PTPRS: variants seen among roughly 807,000 people sequenced by gnomAD.
The protein encoded by PTPRS is receptor-type tyrosine-protein phosphatase S.
PTPRS carries 63 observed loss-of-function variants against 215.3 expected under a neutral mutation model. That is an observed-to-expected ratio of 0.29 (90% CI 0.24 to 0.36). The LOEUF is 0.36. Ranked by LOEUF, PTPRS falls within the 10% of genes least tolerant of loss-of-function variation. The probability of loss-of-function intolerance (pLI) is 1.00; values close to 1 mark genes in which losing one functional copy is unlikely to be tolerated. For missense variants in PTPRS, 2,258 were observed against 2,825.8 expected (o/e 0.80, Z 4.56); for synonymous variants, 1,404 against 1,191.4 (o/e 1.18, Z -3.68).
At chr19:5,240,919 TCA>T (rs2043986629) in intron 11 of PTPRS, among the ~76,000 whole-genome samples, 2 of 135,124 alleles carry the variant, frequency 1.5e-5, no homozygotes, top group Non-Finnish European at 3.1e-5. Context: ...AGATGGAGTC[TCA>T]CTCTGTCACC....
chr19:5,233,977 A>AAAAAAAAAATT (rs2038800597), intron 13 of PTPRS, among the ~76,000 whole-genome samples: 1 of 132,396 alleles, frequency 7.6e-6, no homozygotes, highest in Non-Finnish European at 1.6e-5. Context: ...AAAAAAAAAA[A>AAAAAAAAAATT]TCTATATGTC....
chr19:5,310,955 C>T (rs974957894), intron 1 of PTPRS, among the ~76,000 whole-genome samples: 1 of 152,160 alleles, frequency 6.6e-6, no homozygotes, highest in African/African-American at 2.4e-5. Context: ...CGTGATCTCA[C>T]TGCAACCTCT....
intron 9 of PTPRS, among the ~76,000 whole-genome samples, chr19:5,246,905 A>G (rs200862242): frequency 1.5e-4 from 21 of 142,758 alleles, no homozygotes; most frequent in South Asian, 2.3e-4. Flanking sequence ...GAGAGAGAGA[A>G]AGAGAGAGCG....
chr19:5,335,616 A>C (rs969271207), intron 1 of PTPRS, among the ~76,000 whole-genome samples: 1 of 152,220 alleles, frequency 6.6e-6, no homozygotes. Context: ...GGCTTATGGC[A>C]AAGATCAAAA....
intron 1 of PTPRS, among the ~76,000 whole-genome samples, chr19:5,306,099 C>G (rs1384222245): frequency 1.3e-5 from 2 of 151,604 alleles, no homozygotes; most frequent in Admixed American, 6.6e-5. Flanking sequence ...ATCTTTGTGT[C>G]TTTTTCTCAT....
At chr19:5,316,932 C>T (rs576011087) in intron 1 of PTPRS, among the ~76,000 whole-genome samples, 2 of 152,316 alleles carry the variant, frequency 1.3e-5, no homozygotes, top group Non-Finnish European at 2.9e-5. Context: ...CCACGGGCGG[C>T]TGCCCCACTG....
intron 1 of PTPRS, among the ~76,000 whole-genome samples, chr19:5,319,413 C>CT (rs78544674): frequency 0.034 from 4,559 of 135,220 alleles, 141 homozygotes; most frequent in East Asian, 0.16. Flanking sequence ...CAGACCTTGT[C>CT]TTTTTTTTTT....
intron 1 of PTPRS, among the ~76,000 whole-genome samples, chr19:5,300,007 A>G (rs923407765): frequency 1.4e-4 from 22 of 152,194 alleles, no homozygotes; most frequent in African/African-American, 5.3e-4. Context: ...TTGGGAGGCC[A>G]AAGTGGGTGG....
intron 4 of PTPRS, among the ~76,000 whole-genome samples, chr19:5,271,324 T>C (rs769462341): frequency 3.7e-4 from 56 of 152,086 alleles, no homozygotes; most frequent in Non-Finnish European, 5.9e-4. Context: ...GTGCTAATCT[T>C]GCTCCCTGTA....
chr19:5,219,869 G>T (rs147453269), intron 22 of PTPRS, 70 bp downstream of exon 22: 4 of 1,525,332 alleles, frequency 2.6e-6, no homozygotes, highest in Non-Finnish European at 1.8e-6. Flanking sequence ...AGAGGTCAGG[G>T]CCCTGGGGAA....
intron 1 of PTPRS, among the ~76,000 whole-genome samples, chr19:5,323,436 A>T (rs906783655): frequency 4.6e-5 from 7 of 152,246 alleles, no homozygotes; most frequent in African/African-American, 1.7e-4. Flanking sequence ...GGGGGAAGAC[A>T]GGAAACTAGG....
intron 12 of PTPRS, 101 bp from the exon 13 acceptor site, chr19:5,239,164 G>GGAGGGGGA (rs2043771180): frequency 1.8e-5 from 8 of 433,586 alleles, no homozygotes; most frequent in South Asian, 1.1e-4. Context: ...GGGGGGAGGG[G>GGAGGGGGA]GAGAGAGAGA....
chr19:5,219,560 C>G (rs78345343), intron 22 of PTPRS, 93 bp from the exon 23 acceptor site: 14 of 1,405,052 alleles, frequency 1.0e-5, no homozygotes, highest in African/African-American at 1.4e-5. Flanking sequence ...GTTTCTCCCC[C>G]GCTCTAGATC....
At position 5,284,568 on chromosome 19, in the gene PTPRS, T is replaced by C. The variant is rs189592444; in HGVS notation, c.91+1482A>G. ...GCAGCGGTGCAATCAGTTTCCATAGTTGTACGACGGGGATGCTGATAATCG... is the reference window on the plus strand; with the variant it reads ...GCAGCGGTGCAATCAGTTTCCATAGCTGTACGACGGGGATGCTGATAATCG... On this transcript the variant is annotated intron_variant, in intron 2 of 37. Transcript: ENST00000262963. Among the ~76,000 whole-genome samples the C allele has an allele frequency of 3.4e-4, 52 of 152,074 alleles. 1 individual carries two copies. Among genetic ancestry groups the C allele is most frequent in the South Asian group, 6.2e-4 (3 of 4,804 alleles).
chr19:5,299,023 G>A (rs1056067873), intron 1 of PTPRS, among the ~76,000 whole-genome samples: 1 of 152,096 alleles, frequency 6.6e-6, no homozygotes, highest in Non-Finnish European at 1.5e-5. Context: ...AACCCATCCA[G>A]CCTGATCATT....
At chr19:5,256,691 G>C (rs889512510) in intron 8 of PTPRS, among the ~76,000 whole-genome samples, 1 of 152,142 alleles carries the variant, frequency 6.6e-6, no homozygotes, top group Non-Finnish European at 1.5e-5. Flanking sequence ...CAGAGGTGCC[G>C]TGACAGTGGA....
chr19:5,269,968 T>A (rs2046767841), intron 4 of PTPRS, among the ~76,000 whole-genome samples: 1 of 150,338 alleles, frequency 6.7e-6, no homozygotes, highest in South Asian at 2.1e-4. Flanking sequence ...CAGGGGGCAT[T>A]TTTTTCCCAG....
intron 7 of PTPRS, among the ~76,000 whole-genome samples, chr19:5,260,573 G>GC (rs2045909819): frequency 1.3e-5 from 2 of 152,176 alleles, no homozygotes; most frequent in Admixed American, 1.3e-4. Context: ...GGGAGAGAGC[G>GC]CCCCCGCCTT....
chr19:5,249,291 A>G (rs970801490), intron 9 of PTPRS, among the ~76,000 whole-genome samples: 1 of 152,250 alleles, frequency 6.6e-6, no homozygotes, highest in African/African-American at 2.4e-5. Context: ...AGCCTGGGTG[A>G]CAGAGCGAGA....
Sources: gnomAD v4.1 joint callset for allele counts (sites outside exome capture counted in the v4.1 genomes callset) on GRCh38, gnomAD v4.1.1 for gene constraint, MANE v1.5 for transcripts, NCBI Gene and HGNC (gene_info 2026-07-23, HGNC 2026-07-21) for gene names.